The following MED15 variants were observed in gnomAD, a reference collection of about 807,000 sequenced individuals.
The protein encoded by MED15 is mediator of RNA polymerase II transcription subunit 15.
Under a neutral mutation model 118.7 loss-of-function variants are expected in MED15, and 41 were observed. That is an observed-to-expected ratio of 0.35 (90% CI 0.27 to 0.45). The LOEUF (loss-of-function observed/expected upper bound fraction) is 0.45, where lower values mean the gene tolerates loss of function less well. Ranked by LOEUF, MED15 falls within the 20% of genes least tolerant of loss-of-function variation. The probability of loss-of-function intolerance (pLI) is 1.00; values close to 1 mark genes in which losing one functional copy is unlikely to be tolerated. For synonymous variants in MED15, 436 were observed against 413.9 expected (o/e 1.05, Z -0.65); for missense variants, 740 against 1,025.5 (o/e 0.72, Z 3.80).
chr22:20,581,481 T>TTGG (rs1175442446), intron 9 of MED15, among the ~76,000 whole-genome samples: 1 of 151,948 alleles, frequency 6.6e-6, no homozygotes, highest in Non-Finnish European at 1.5e-5. Flanking sequence ...AAGCACTGAG[T>TTGG]TGGTCTACAG....
chr22:20,566,073 T>G, intron 6 of MED15, among the ~76,000 whole-genome samples: 1 of 145,612 alleles, frequency 6.9e-6, no homozygotes, highest in Admixed American at 7.0e-5. Flanking sequence ...TGCCTCTTAC[T>G]CTGTTGCCCA....
Position 20,584,683 on chromosome 22 carries a change from G to A in MED15, c.1804-172G>A, listed in dbSNP as rs944111372. ...AGGGACTGTAGGGAGGATAGGCTGTGGGGGTGGGGGATTATTCCCAGGATC... is the reference window on the plus strand; with the variant it reads ...AGGGACTGTAGGGAGGATAGGCTGTAGGGGTGGGGGATTATTCCCAGGATC... On this transcript the variant is annotated intron_variant, in intron 14 of 17. Transcript: ENST00000263205. The A allele has an allele frequency of 1.3e-5, 12 of 933,542 alleles. No individual in the cohort carries two copies. In the Admixed American group the frequency reaches 1.6e-4, roughly 13 times the overall value. 57.8% of individuals were successfully genotyped at this position (933,542 alleles called of 1,614,324 possible).
intron 1 of MED15, among the ~76,000 whole-genome samples, chr22:20,514,427 A>G (rs1451353879): frequency 6.6e-6 from 1 of 152,168 alleles, no homozygotes; most frequent in Non-Finnish European, 1.5e-5. Flanking sequence ...TTTTCTTTCA[A>G]TTCTTTTTGG....
At chr22:20,543,812 C>T (rs1389841436) in intron 2 of MED15, among the ~76,000 whole-genome samples, 2 of 152,172 alleles carry the variant, frequency 1.3e-5, no homozygotes, top group Admixed American at 6.5e-5. Context: ...CCTGCCTCAG[C>T]CTCCCAAAGT....
chr22:20,550,970 G>T (rs944961738), intron 2 of MED15: 1 of 361,028 alleles, frequency 2.8e-6, no homozygotes, highest in African/African-American at 2.1e-5. Flanking sequence ...CAGATACTGC[G>T]TCATCAGTGA....
rs746365478 is a variant in MED15, at chr22:20,575,211, G to A, written c.1251G>A (p.Leu417=). Reference sequence around the variant, plus strand: ...CCATCCCGTCAAGCTCCATCCCTTTGGGCAGACAGCCCATGGCACAGGTAT... The same window carrying A: ...CCATCCCGTCAAGCTCCATCCCTTTAGGCAGACAGCCCATGGCACAGGTAT... ...VSAIPSSSIP[L]GRQPMAQVSQ... The change falls in exon 9 of 18, where the codon TTG becomes TTA. Residue 417 remains leucine (L), a synonymous_variant. Coordinates refer to ENST00000263205, the MANE Select transcript of MED15 (RefSeq NM_001003891.3). The A allele has an allele frequency of 1.2e-6, 2 of 1,613,852 alleles. No individual in the cohort carries two copies. The highest frequency in any genetic ancestry group is 2.7e-5 in the African/African-American group (2 of 74,940).
intron 8 of MED15, among the ~76,000 whole-genome samples, chr22:20,572,811 G>C (rs1006676933): frequency 1.3e-5 from 2 of 152,148 alleles, no homozygotes; most frequent in African/African-American, 4.8e-5. Context: ...TGCAGTCCCT[G>C]CTACTCGGGA....
chr22:20,551,368 G>A (rs771161359), intron 2 of MED15, 68 bp from the exon 3 acceptor site: 33 of 1,424,362 alleles, frequency 2.3e-5, no homozygotes, highest in African/African-American at 2.8e-5. Flanking sequence ...GCGAGGGGGC[G>A]GGAAGGGGGA....
chr22:20,573,866 T>C (rs2056742720), intron 8 of MED15: 1 of 152,230 alleles, frequency 6.6e-6, no homozygotes, highest in Non-Finnish European at 1.5e-5. Context: ...CAGGTGGTGG[T>C]AAATCGACTC....
At chr22:20,545,031 A>G (rs2055472425) in intron 2 of MED15, among the ~76,000 whole-genome samples, 1 of 152,158 alleles carries the variant, frequency 6.6e-6, no homozygotes. Flanking sequence ...TCATATCTGC[A>G]AAGACCTTTT....
intron 2 of MED15, among the ~76,000 whole-genome samples, chr22:20,539,839 T>C (rs2146458495): frequency 6.6e-6 from 1 of 152,338 alleles, no homozygotes; most frequent in East Asian, 1.9e-4. Context: ...GAGCATCTTT[T>C]TCATGTGCTT....
rs1027730679 is a variant in MED15 at position 20,540,110 on chromosome 22, T to G, written c.156+2906T>G. ...AGTGGAGGGATGCAGGGGGTGTTAG[T>G]GATGCATTGTAATCATCCCGGAGAG... On this transcript the variant is annotated intron_variant, in intron 2 of 17. Coordinates refer to ENST00000263205, the MANE Select transcript of MED15 (RefSeq NM_001003891.3). 1.8e-4 allele frequency among the ~76,000 whole-genome samples: 27 copies of G among 152,160 alleles called. No homozygotes were observed. In the South Asian group the frequency reaches 4.2e-3, roughly 23 times the overall value.
Position 20,585,225 on chromosome 22 carries a change from C to G in MED15, c.2089C>G (p.His697Asp), listed in dbSNP as rs1454125582. The G allele has an allele frequency of 6.2e-7, 1 of 1,613,588 alleles. No individual in the cohort carries two copies. The highest frequency in any genetic ancestry group is 8.5e-7 in the Non-Finnish European group (1 of 1,180,018). Reference sequence around the variant, plus strand: ...GTTCCTGGTAAACCTGGACCCTTCTCACTGCAGCAACAATGGCACTGTCCA... The same window carrying G: ...GTTCCTGGTAAACCTGGACCCTTCTGACTGCAGCAACAATGGCACTGTCCA... ...PKFLVNLDPS[H>D]CSNNGTVHLI... The change falls in exon 16 of 18, where the codon CAC becomes GAC. Residue 697 changes from histidine (H) to aspartate (D), a missense_variant. Physicochemically the swap from His to Asp is moderately conservative, Grantham distance 81. Around this residue, in one of 7 missense-constraint regions of MED15, gnomAD observed 179 missense variants for 259.0 expected, o/e 0.69. Coordinates refer to ENST00000263205, the MANE Select transcript of MED15 (RefSeq NM_001003891.3).
intron 1 of MED15, among the ~76,000 whole-genome samples, chr22:20,522,404 G>A (rs1321369412): frequency 6.6e-6 from 1 of 152,108 alleles, no homozygotes; most frequent in Non-Finnish European, 1.5e-5. Flanking sequence ...TTGAATGCAC[G>A]CTGAAATTTA....
intron 4 of MED15, chr22:20,554,365 G>A: frequency 6.5e-6 from 1 of 152,750 alleles, no homozygotes; most frequent in Non-Finnish European, 1.5e-5. Flanking sequence ...GACCTGGTGG[G>A]CTTGGGACAT....
Position 20,555,009 on chromosome 22 carries a change from G to T in MED15, c.312G>T (p.Arg104=). The change falls in exon 5 of 18, where the codon CGG becomes CGT. Residue 104 remains arginine, a synonymous_variant. Transcript: ENST00000263205. ...CCGCTGGAATTGGCATGCCTCCTCG[G>T]GGCCCGGGACAGTCTCTGGGCGGGA... ...AGAAGIGMPP[R]GPGQSLGGMG... 6.2e-7 allele frequency: 1 copy of T among 1,612,278 alleles called. No individual in the cohort carries two copies.
chr22:20,554,871 C>T, intron 4 of MED15, 65 bp from the exon 5 acceptor site: 1 of 1,470,614 alleles, frequency 6.8e-7, no homozygotes, highest in Non-Finnish European at 9.2e-7. Flanking sequence ...GAGCCTTACG[C>T]CCTTTGAGCC....
intron 5 of MED15, among the ~76,000 whole-genome samples, chr22:20,559,906 G>A (rs1013790208): frequency 5.9e-5 from 9 of 152,134 alleles, no homozygotes; most frequent in Non-Finnish European, 4.4e-5. Context: ...AAGGTAAAAT[G>A]GGAAAAGAAA....
At chr22:20,546,045 T>A (rs1277826449) in intron 2 of MED15, among the ~76,000 whole-genome samples, 1 of 152,030 alleles carries the variant, frequency 6.6e-6, no homozygotes, top group Non-Finnish European at 1.5e-5. Flanking sequence ...TCACATGGAG[T>A]CACTATTGTC....
Sources: gnomAD v4.1 joint callset for allele counts (sites outside exome capture counted in the v4.1 genomes callset) on GRCh38, gnomAD v4.1.1 for gene constraint, gnomAD v4.1.1 regional missense constraint, MANE v1.5 for transcripts, NCBI Gene and HGNC (gene_info 2026-07-23, HGNC 2026-07-21) for gene names.